CEP152: variants seen among roughly 807,000 people sequenced by gnomAD.
CEP152 encodes centrosomal protein of 152 kDa.
A neutral mutation model predicts 188.9 loss-of-function variants in CEP152; 132 were observed. The observed-to-expected ratio is 0.70, with a 90% CI of 0.61 to 0.81. CEP152 has a LOEUF of 0.81. Among genes scored for constraint, CEP152 ranks in the 30% least tolerant of loss-of-function variants. CEP152 has a pLI of 0.00. For missense variants in CEP152, 1,914 were observed against 1,969.8 expected (o/e 0.97, Z 0.54); for synonymous variants, 649 against 666.6 (o/e 0.97, Z 0.41).
chr15:48,766,787 CTTT>C (rs78892042), intron 17 of CEP152, among the ~76,000 whole-genome samples: 3 of 137,836 alleles, frequency 2.2e-5, no homozygotes, highest in Admixed American at 1.5e-4. Flanking sequence ...GACACTGATC[CTTT>C]TTTTTTTTTT....
chr15:48,750,418 G>C (rs985695006), intron 21 of CEP152, among the ~76,000 whole-genome samples: 3 of 152,162 alleles, frequency 2.0e-5, no homozygotes, highest in Admixed American at 2.0e-4. Context: ...AAATGTTACT[G>C]TAAAGTCATT....
chr15:48,773,701 G>A (rs1263546611), intron 12 of CEP152, among the ~76,000 whole-genome samples: 1 of 152,188 alleles, frequency 6.6e-6, no homozygotes, highest in Non-Finnish European at 1.5e-5. Flanking sequence ...CCTTAGTAGT[G>A]GGGCAAAATT....
At chr15:48,751,008 T>G (rs1893837319) in intron 21 of CEP152, among the ~76,000 whole-genome samples, 1 of 152,188 alleles carries the variant, frequency 6.6e-6, no homozygotes, top group Admixed American at 6.5e-5. Flanking sequence ...TTGAATGAAC[T>G]AAGTATTTCA....
intron 22 of CEP152, among the ~76,000 whole-genome samples, chr15:48,745,530 G>A (rs1427892522): frequency 6.6e-6 from 1 of 152,072 alleles, no homozygotes; most frequent in Non-Finnish European, 1.5e-5. Context: ...CGAAAAGAGA[G>A]TCAGCAAAGG....
intron 12 of CEP152, among the ~76,000 whole-genome samples, chr15:48,778,289 C>A (rs1370359379): frequency 6.6e-6 from 1 of 152,190 alleles, no homozygotes; most frequent in East Asian, 1.9e-4. Context: ...CCCAAGTCAA[C>A]AAAGAACTAA....
intron 10 of CEP152, among the ~76,000 whole-genome samples, chr15:48,782,693 T>C (rs1896335214): frequency 6.6e-6 from 1 of 152,194 alleles, no homozygotes. Context: ...GTATTAGGGT[T>C]ATAATTCTGA....
chr15:48,776,162 C>T (rs187697132), intron 12 of CEP152, among the ~76,000 whole-genome samples: 112 of 152,004 alleles, frequency 7.4e-4, no homozygotes, highest in Non-Finnish European at 9.4e-4. Flanking sequence ...GGTGGTCCTA[C>T]GAATATTCAC....
At chr15:48,805,222 G>A (rs1897900535) in intron 2 of CEP152, among the ~76,000 whole-genome samples, 1 of 152,090 alleles carries the variant, frequency 6.6e-6, no homozygotes, top group South Asian at 2.1e-4. Context: ...ACTACCCAAA[G>A]CAAAGAGCCT....
At position 48,756,320 on chromosome 15, in the gene CEP152, C is replaced by T. The variant is rs771359060; in HGVS notation, c.2928G>A (p.Glu976=). 25 of 1,574,476 alleles carry T rather than the reference C, an allele frequency of 1.6e-5. No homozygotes were observed. Among genetic ancestry groups the T allele is most frequent in the Non-Finnish European group, 3.4e-6 (4 of 1,163,966 alleles). The change falls in exon 20 of 27, where the codon GAG becomes GAA. Residue 976 remains glutamate, a synonymous_variant. Transcript: ENST00000380950. ...CATCTAAAAATTGCCGGTAATCTTG[C>T]TCATTTTGTTCTTGGATTCTGTGGA... ...EEIHRIQEQN[E]QDYRQFLDDH...
intron 2 of CEP152, among the ~76,000 whole-genome samples, chr15:48,800,256 A>G (rs1020215296): frequency 6.6e-6 from 1 of 152,236 alleles, no homozygotes; most frequent in Non-Finnish European, 1.5e-5. Context: ...GATATTTTAC[A>G]TATATGCTAA....
At position 48,768,998 on chromosome 15, in the gene CEP152, C is replaced by A. The variant is rs61737684; in HGVS notation, c.1866G>T (p.Leu622=). Residue 622 remains leucine (L), a synonymous_variant, in exon 14 of 27, where the codon CTG becomes CTT. Transcript: ENST00000380950. ...STSDVVRDDI[L]LLKNEIQVLQ... ...AAACTTGAATTTCATTTTTAAGCAG[C>A]AGAATATCATCTCTGACAACATCAG... 1,167 of 1,586,290 alleles carry A rather than the reference C, an allele frequency of 7.4e-4. 10 individuals carry two copies. The African/African-American group carries it at 0.014, about 20-fold the overall frequency.
intron 21 of CEP152, among the ~76,000 whole-genome samples, chr15:48,749,472 TG>T (rs1221492510): frequency 6.6e-6 from 1 of 150,888 alleles, no homozygotes; most frequent in Non-Finnish European, 1.5e-5. Flanking sequence ...TAAGCAAGGG[TG>T]AAAAAAAAAC....
At position 48,756,500 on chromosome 15, in the gene CEP152, A is replaced by AT. The variant is rs754743626; in HGVS notation, c.2747dup (p.Asn916LysfsTer24). ...TTCCAGGAAGTATATTTTTCCTCAT[A>AT]TTTTCAAGCTCACTCTTCCATTTCT... On this transcript the variant is annotated frameshift_variant, in exon 20 of 27. Coordinates refer to ENST00000380950, the MANE Select transcript of CEP152 (RefSeq NM_001194998.2). LOFTEE classifies it high-confidence loss of function. 3 of 1,611,344 alleles carry AT rather than the reference A, an allele frequency of 1.9e-6. No homozygotes were observed. The South Asian group carries it at 3.3e-5, about 18-fold the overall frequency.
chr15:48,802,754 C>T (rs11858080), intron 2 of CEP152, among the ~76,000 whole-genome samples: 58,469 of 151,972 alleles, frequency 0.38, 11,744 homozygotes, highest in Middle Eastern at 0.47. Flanking sequence ...ATGTTAAAGG[C>T]ACTTTCTCCC....
intron 15 of CEP152, 111 bp downstream of exon 15, chr15:48,768,108 C>G (rs1210183820): frequency 1.4e-6 from 1 of 724,936 alleles, no homozygotes; most frequent in Non-Finnish European, 2.5e-6. Flanking sequence ...AAGATCTCAA[C>G]AGGGTAGAAA....
chr15:48,739,129 T>C lies in CEP152; in HGVS notation c.4253A>G (p.Asn1418Ser), dbSNP rs762573948. 8 of 1,614,214 alleles carry C rather than the reference T, an allele frequency of 5.0e-6. No individual in the cohort carries two copies. The South Asian group carries it at 8.8e-5, about 18-fold the overall frequency. The change falls in exon 27 of 27, where the codon AAC (asparagine) becomes AGC (serine). Residue 1418 changes from asparagine to serine, a missense_variant. By Grantham distance (46) the Asn-to-Ser change is conservative (BLOSUM62 1). Coordinates refer to ENST00000380950, the MANE Select transcript of CEP152 (RefSeq NM_001194998.2). ...TGAGTTCTCTAACAGCCTTTGTAAG[T>C]TACAAGCTGCCCTCCTCTTGGGAGC... Reference protein sequence around the residue: ...EQAPKRRAACNLQRLLENSEH... With the variant: ...EQAPKRRAACSLQRLLENSEH...
chr15:48,797,531 C>T lies in CEP152; in HGVS notation c.310G>A (p.Val104Ile). ...SLYAGEKCGN[V>I]WEENRSKTED... Reference sequence around the variant, plus strand: ...GTTTTACTTCTATTTTCTTCCCAGACATTACCACATTTTTCTCCAGCATAT... The same window carrying T: ...GTTTTACTTCTATTTTCTTCCCAGATATTACCACATTTTTCTCCAGCATAT... The change falls in exon 5 of 27, where the codon GTC (valine) becomes ATC (isoleucine). Residue 104 changes from valine (V) to isoleucine (I), a missense_variant. By Grantham distance (29) the Val-to-Ile change is conservative (BLOSUM62 3). Coordinates refer to ENST00000380950, the MANE Select transcript of CEP152 (RefSeq NM_001194998.2). 6.2e-7 allele frequency: 1 copy of T among 1,614,106 alleles called. No homozygotes were observed. Among genetic ancestry groups the T allele is most frequent in the Non-Finnish European group, 8.5e-7 (1 of 1,179,986 alleles).
At chr15:48,757,155 A>AT (rs1370788519) in intron 19 of CEP152, among the ~76,000 whole-genome samples, 1 of 130,892 alleles carries the variant, frequency 7.6e-6, no homozygotes, top group Admixed American at 9.6e-5. Context: ...TAGCGAAATC[A>AT]AAAAACCTAA....
intron 2 of CEP152, among the ~76,000 whole-genome samples, chr15:48,803,575 T>C (rs1416705953): frequency 6.6e-6 from 1 of 152,234 alleles, no homozygotes; most frequent in East Asian, 1.9e-4. Context: ...TCAATTCAGC[T>C]ATATATCCTT....
Sources: allele counts gnomAD v4.1 joint callset (sites outside exome capture counted in the v4.1 genomes callset), GRCh38; gene constraint gnomAD v4.1.1; transcripts MANE v1.5; gene names NCBI Gene and HGNC (gene_info 2026-07-23, HGNC 2026-07-21).